ACOT1: variants seen among roughly 807,000 people sequenced by gnomAD.
The protein encoded by ACOT1 is acyl-CoA thioesterase 1.
In ACOT1, 8 loss-of-function variants were observed where a neutral mutation model predicts 15.7. That is an observed-to-expected ratio of 0.51 (90% CI 0.30 to 0.92). ACOT1 has a LOEUF of 0.92. ACOT1 is among the 40% of genes least tolerant of loss of function. The probability of loss-of-function intolerance (pLI) is 0.06; values close to 1 mark genes in which losing one functional copy is unlikely to be tolerated. For missense variants in ACOT1, 151 were observed against 539.4 expected (o/e 0.28, Z 7.13); for synonymous variants, 67 against 241.2 (o/e 0.28, Z 6.69).
chr14:73,514,290 A>G, the ACOT1 span: 4 of 1,496,374 alleles, frequency 2.7e-6, no homozygotes, highest in Non-Finnish European at 3.7e-6. Flanking sequence ...GCCCTGCCAC[A>G]CAGTGGCCCC....
the ACOT1 span, chr14:73,500,504 T>A: frequency 6.3e-7 from 1 of 1,575,494 alleles, no homozygotes; most frequent in Non-Finnish European, 8.7e-7. Context: ...GGTAATGCCC[T>A]CTTCAGGTCA....
the ACOT1 span, among the ~76,000 whole-genome samples, chr14:73,524,793 A>C: frequency 6.6e-6 from 1 of 151,722 alleles, no homozygotes; most frequent in East Asian, 1.9e-4. Context: ...CTTATGTGTA[A>C]GGATGAAGGA....
chr14:73,492,462 G>GGGTCTT, the ACOT1 span: 1 of 1,613,746 alleles, frequency 6.2e-7, no homozygotes, highest in Non-Finnish European at 8.5e-7. The surrounding 1 kb of genome is among the most constrained non-coding windows in gnomAD (Gnocchi z 4.9). Flanking sequence ...GAGAAGGTGC[G>GGGTCTT]GGTCTTGGTT....
upstream of ACOT1, among the ~76,000 whole-genome samples, chr14:73,534,644 G>A (rs571465385): frequency 1.3e-4 from 14 of 104,400 alleles, 3 homozygotes; most frequent in African/African-American, 1.9e-4. Flanking sequence ...AGCTATGATC[G>A]CACCACTGCA....
upstream of ACOT1, chr14:73,537,085 G>A (rs142100737): frequency 0.013 from 2,647 of 205,616 alleles, 580 homozygotes; most frequent in African/African-American, 0.067. Flanking sequence ...CCGGGATCAC[G>A]CCATTCTCCT....
chr14:73,519,121 T>G, the ACOT1 span: 1 of 1,613,888 alleles, frequency 6.2e-7, no homozygotes, highest in Non-Finnish European at 8.5e-7. Context: ...CAGGACAATC[T>G]GGTCTCTCTT....
Position 73,539,338 on chromosome 14 carries a change from G to C in ACOT1, c.457+1460G>C, listed in dbSNP as rs1287787960. The C allele has an allele frequency of 3.3e-5, 4 of 121,062 alleles. 1 individual carries two copies. Among genetic ancestry groups the C allele is most frequent in the Non-Finnish European group, 5.3e-5 (3 of 56,352 alleles). The allele number at this position is 121,062 out of a possible 1,614,324, so 7.5% of individuals were successfully genotyped here. A position where few individuals can be genotyped will look rare whatever the true frequency, so the allele number is the denominator to read the frequency against. On this transcript the variant is annotated intron_variant, in intron 1 of 2. Transcript: ENST00000311148. ...GGTACTGATTGTGGCCTCTCCTCTT[G>C]GCCTCGAATGGTATCCTTGTCATCA...
At chr14:73,497,518 C>G in the ACOT1 span, among the ~76,000 whole-genome samples, 1 of 152,170 alleles carries the variant, frequency 6.6e-6, no homozygotes, top group Non-Finnish European at 1.5e-5. Flanking sequence ...GCTCACATAG[C>G]TATTGCATGC....
the ACOT1 span, chr14:73,491,679 G>A: frequency 6.5e-7 from 1 of 1,549,610 alleles, no homozygotes; most frequent in Admixed American, 2.0e-5. Context: ...TTTTACCGGC[G>A]CCTATGGGAG....
the ACOT1 span, chr14:73,506,695 G>A: frequency 3.2e-6 from 2 of 621,348 alleles, no homozygotes; most frequent in South Asian, 2.2e-5. Flanking sequence ...CAAGAGATGG[G>A]GCATGTTTCC....
the ACOT1 span, among the ~76,000 whole-genome samples, chr14:73,517,070 CAGG>C: frequency 6.6e-6 from 1 of 152,160 alleles, no homozygotes; most frequent in East Asian, 1.9e-4. Context: ...CCCTTGTGGC[CAGG>C]AGTTCGAGAC....
At chr14:73,522,274 G>A in the ACOT1 span, 4 of 1,613,644 alleles carry the variant, frequency 2.5e-6, no homozygotes, top group South Asian at 2.2e-5. Flanking sequence ...CAGTATACCT[G>A]TAGTAAACGG....
At chr14:73,527,636 G>A in the ACOT1 span, among the ~76,000 whole-genome samples, 1 of 151,814 alleles carries the variant, frequency 6.6e-6, no homozygotes, top group Non-Finnish European at 1.5e-5. Flanking sequence ...AGCAGAATTG[G>A]TCAAGCAGAA....
the ACOT1 span, among the ~76,000 whole-genome samples, chr14:73,512,326 T>C: frequency 2.0e-5 from 3 of 152,204 alleles, no homozygotes; most frequent in African/African-American, 7.2e-5. Flanking sequence ...TGATGATCCA[T>C]GTACCCTCAC....
rs1486819486 is a variant in ACOT1, at chr14:73,540,528, A to G, written c.458-965A>G. On this transcript the variant is annotated intron_variant, in intron 1 of 2. Transcript: ENST00000311148. ...AGGAGAACACATTCAGTATCATTCC[A>G]TTTAGATACAGTTCAAAAAATAGGC... Among the ~76,000 whole-genome samples, 4 of 109,894 alleles carry G rather than the reference A, an allele frequency of 3.6e-5. 1 individual carries two copies. Among genetic ancestry groups the G allele is most frequent in the Non-Finnish European group, 1.9e-5 (1 of 52,492 alleles). The allele number at this position is 109,894 out of a possible 152,430, so 72.1% of individuals were successfully genotyped here.
At chr14:73,521,877 A>G in the ACOT1 span, among the ~76,000 whole-genome samples, 1 of 152,194 alleles carries the variant, frequency 6.6e-6, no homozygotes, top group African/African-American at 2.4e-5. Flanking sequence ...TCTGATGGCA[A>G]AGTCTGCTGG....
At chr14:73,511,520 A>AAAATAAAT in the ACOT1 span, among the ~76,000 whole-genome samples, 134 of 141,766 alleles carry the variant, frequency 9.5e-4, 1 homozygote, top group South Asian at 2.8e-3. Context: ...CTCTGTCTCA[A>AAAATAAAT]AAATAAATAA....
the ACOT1 span, among the ~76,000 whole-genome samples, chr14:73,525,452 TG>T: frequency 2.0e-5 from 3 of 152,168 alleles, no homozygotes; most frequent in African/African-American, 7.2e-5. Context: ...TAAATGTAAT[TG>T]CTTCATCTCT....
the ACOT1 span, among the ~76,000 whole-genome samples, chr14:73,511,565 A>AAATAAAT: frequency 8.0e-5 from 10 of 124,680 alleles, no homozygotes; most frequent in Admixed American, 1.6e-4. Context: ...ATAAATAAAT[A>AAATAAAT]AAATAAAATA....
Sources: gnomAD v4.1 joint callset for allele counts (sites outside exome capture counted in the v4.1 genomes callset) on GRCh38, gnomAD v4.1.1 for gene constraint, Gnocchi (gnomAD v3.1) non-coding constraint, MANE v1.5 for transcripts, NCBI Gene and HGNC (gene_info 2026-07-23, HGNC 2026-07-21) for gene names.